Variants in TMEM38B observed in about 807,000 individuals in gnomAD.
TMEM38B encodes the protein trimeric intracellular cation channel type B.
TMEM38B carries 24 observed loss-of-function variants against 28.7 expected under a neutral mutation model. The observed-to-expected ratio is 0.84, with a 90% CI of 0.61 to 1.18. The LOEUF (loss-of-function observed/expected upper bound fraction) is 1.18. TMEM38B is among the 50% of genes most tolerant of loss of function. The probability of loss-of-function intolerance (pLI) is 0.00; values close to 1 mark genes in which losing one functional copy is unlikely to be tolerated. For missense variants in TMEM38B, 380 were observed against 350.9 expected, an observed-to-expected ratio of 1.08 and a Z score of -0.66; for synonymous variants, 131 against 127.7, an observed-to-expected ratio of 1.03 and a Z score of -0.17.
chr9:105,720,156 C>G (rs1474070303), intron 2 of TMEM38B, among the ~76,000 whole-genome samples: 1 of 151,970 alleles, frequency 6.6e-6, no homozygotes, highest in African/African-American at 2.4e-5. Flanking sequence ...TTTTCTCAAA[C>G]TCTTTAATTA....
At chr9:105,771,894 T>G (rs1308895494) in intron 5 of TMEM38B, among the ~76,000 whole-genome samples, 3 of 152,210 alleles carry the variant, frequency 2.0e-5, no homozygotes, top group Non-Finnish European at 4.4e-5. Flanking sequence ...TAATTACTGA[T>G]TTACTTGCCT....
intron 1 of TMEM38B, among the ~76,000 whole-genome samples, chr9:105,697,029 T>C (rs1835312571): frequency 6.6e-6 from 1 of 152,170 alleles, no homozygotes; most frequent in Non-Finnish European, 1.5e-5. Context: ...ACAAAACCTT[T>C]TGGGGTTGTC....
intron 5 of TMEM38B, among the ~76,000 whole-genome samples, chr9:105,764,336 T>C (rs1156986171): frequency 2.8e-3 from 407 of 146,018 alleles, no homozygotes; most frequent in African/African-American, 9.3e-3. Context: ...GAAAACCCCA[T>C]TGTCTCAGCC....
At chr9:105,766,327 G>A (rs1018639129) in intron 5 of TMEM38B, among the ~76,000 whole-genome samples, 2 of 152,040 alleles carry the variant, frequency 1.3e-5, no homozygotes, top group African/African-American at 4.8e-5. Flanking sequence ...AAGTGATATC[G>A]CATTATAGTT....
intron 3 of TMEM38B, 137 bp from the exon 4 acceptor site, chr9:105,722,397 T>A (rs1836349560): frequency 5.4e-6 from 4 of 738,766 alleles, no homozygotes; most frequent in Non-Finnish European, 9.0e-6. Context: ...ACAAGGCAAC[T>A]TTTTTCTTCT....
chr9:105,758,606 A>G (rs1166665214), intron 5 of TMEM38B: 12 of 929,516 alleles, frequency 1.3e-5, no homozygotes, highest in African/African-American at 4.9e-5. Flanking sequence ...GGTGGGGATC[A>G]GAAAATGTTG....
intron 4 of TMEM38B, among the ~76,000 whole-genome samples, chr9:105,730,550 G>T (rs1490820275): frequency 6.6e-6 from 1 of 152,088 alleles, no homozygotes; most frequent in Admixed American, 6.6e-5. Context: ...TTGTTGCCAG[G>T]CTTTGGTATC....
chr9:105,729,797 A>G (rs111289473), intron 4 of TMEM38B, among the ~76,000 whole-genome samples: 1 of 152,044 alleles, frequency 6.6e-6, no homozygotes, highest in Non-Finnish European at 1.5e-5. Flanking sequence ...GGTCCTTCAC[A>G]TCCCTTGTAA....
intron 2 of TMEM38B, among the ~76,000 whole-genome samples, chr9:105,720,913 G>A (rs796750885): frequency 2.2e-4 from 34 of 152,202 alleles, no homozygotes; most frequent in African/African-American, 7.9e-4. Flanking sequence ...TTTAATCACA[G>A]TTTAATTTGG....
chr9:105,748,189 A>C lies in TMEM38B; in HGVS notation c.659A>C (p.Lys220Thr). 6.2e-7 allele frequency: 1 copy of C among 1,600,354 alleles called. No individual in the cohort carries two copies. Among genetic ancestry groups the C allele is most frequent in the Non-Finnish European group, 8.6e-7 (1 of 1,168,120 alleles). Residue 220 changes from lysine (K) to threonine (T), a missense_variant and splice_region_variant, in exon 5 of 6, where the codon AAG becomes ACG. Physicochemically the swap from Lys to Thr is moderately conservative, Grantham distance 78. Coordinates refer to ENST00000374692, the MANE Select transcript of TMEM38B (RefSeq NM_018112.3). Reference sequence around the variant, plus strand: ...TATACCATCTTTATTGTGGCCACAAAGGTAAGAATTCAAAGTACCTATAAT... The same window carrying C: ...TATACCATCTTTATTGTGGCCACAACGGTAAGAATTCAAAGTACCTATAAT... ...FLYTIFIVAT[K>T]ITMMTTQTST...
intron 5 of TMEM38B, among the ~76,000 whole-genome samples, chr9:105,772,928 T>G (rs1156831423): frequency 1.3e-5 from 2 of 152,104 alleles, no homozygotes; most frequent in Non-Finnish European, 2.9e-5. Flanking sequence ...TATATACTTT[T>G]CTTCCACCTC....
intron 5 of TMEM38B, among the ~76,000 whole-genome samples, chr9:105,757,340 T>C (rs1837869537): frequency 6.6e-6 from 1 of 152,212 alleles, no homozygotes. Flanking sequence ...GGTTCCATAT[T>C]TTTGCAATTG....
intron 5 of TMEM38B, among the ~76,000 whole-genome samples, chr9:105,750,767 T>C (rs1837620004): frequency 6.6e-6 from 1 of 152,250 alleles, no homozygotes; most frequent in African/African-American, 2.4e-5. Context: ...AAGAGTTTTA[T>C]AGTTTTAGCT....
At chr9:105,700,035 C>A (rs1039813608) in intron 1 of TMEM38B, among the ~76,000 whole-genome samples, 1 of 152,210 alleles carries the variant, frequency 6.6e-6, no homozygotes, top group Non-Finnish European at 1.5e-5. Flanking sequence ...CCTACATTCA[C>A]ATCAAACCAC....
chr9:105,725,439 G>A (rs1044182986), intron 4 of TMEM38B, among the ~76,000 whole-genome samples: 1 of 150,632 alleles, frequency 6.6e-6, no homozygotes, highest in Admixed American at 6.7e-5. Context: ...TAGATCACTG[G>A]TTCATTATGA....
intron 5 of TMEM38B, 84 bp downstream of exon 5, chr9:105,748,274 G>A: frequency 3.2e-6 from 3 of 933,440 alleles, no homozygotes; most frequent in Admixed American, 4.1e-5. Flanking sequence ...GGGCAAGTAA[G>A]AGGAACATTT....
intron 5 of TMEM38B, chr9:105,760,167 T>C (rs1368823196): frequency 1.1e-6 from 1 of 908,836 alleles, no homozygotes; most frequent in African/African-American, 1.6e-5. Context: ...GTAGAAAGCT[T>C]CAACTTTTAA....
chr9:105,728,092 T>A (rs185711272), intron 4 of TMEM38B, among the ~76,000 whole-genome samples: 85 of 152,300 alleles, frequency 5.6e-4, no homozygotes, highest in African/African-American at 1.9e-3. Flanking sequence ...ATTTCTTTTT[T>A]AAAAATCATT....
At chr9:105,734,235 A>T (rs534744460) in intron 4 of TMEM38B, among the ~76,000 whole-genome samples, 1 of 151,974 alleles carries the variant, frequency 6.6e-6, no homozygotes, top group East Asian at 1.9e-4. Flanking sequence ...TAATTTTCAC[A>T]TATTTTTGAA....
Sources: allele counts gnomAD v4.1 joint callset (sites outside exome capture counted in the v4.1 genomes callset), GRCh38; gene constraint gnomAD v4.1.1; transcripts MANE v1.5; gene names NCBI Gene and HGNC (gene_info 2026-07-23, HGNC 2026-07-21).